NRDC: variants seen among roughly 807,000 people sequenced by gnomAD.
NRDC encodes nardilysin.
NRDC carries 54 observed loss-of-function variants against 147.1 expected under a neutral mutation model. The ratio of observed to expected loss-of-function variants is 0.37; its 90% CI spans 0.29 to 0.46. The LOEUF is 0.46. NRDC is among the 20% of genes least tolerant of loss of function. The pLI is 1.00. For missense variants in NRDC, 1,082 were observed against 1,370.6 expected, an observed-to-expected ratio of 0.79 and a Z score of 3.33; for synonymous variants, 440 against 482.1, an observed-to-expected ratio of 0.91 and a Z score of 1.14.
At position 51,791,474 on chromosome 1, in the gene NRDC, C is replaced by T. The variant is rs996553170; in HGVS notation, c.2960+104G>A. 3 of 894,264 alleles carry T rather than the reference C, an allele frequency of 3.4e-6. No homozygotes were observed. In the South Asian group the frequency reaches 4.3e-5, roughly 13 times the overall value. The allele number at this position is 894,264 out of a possible 1,614,324, so 55.4% of individuals were successfully genotyped here. ...CCCAGCTTCCACTGACTAAATAGAG[C>T]AAACCTGCTTGGTCAGGGTTGCCCA... On this transcript the variant is annotated intron_variant, in intron 27 of 30. Coordinates refer to ENST00000352171, the MANE Select transcript of NRDC (RefSeq NM_001101662.2).
At chr1:51,796,877 CGCCTG>C (rs890236344) in intron 22 of NRDC, among the ~76,000 whole-genome samples, 10 of 149,892 alleles carry the variant, frequency 6.7e-5, no homozygotes, top group Non-Finnish European at 1.2e-4. Context: ...TGAGCCACCG[CGCCTG>C]GCCAATCTCA....
At position 51,789,436 on chromosome 1, in the gene NRDC, G is replaced by C. The variant is rs1678456879; in HGVS notation, c.3259-3C>G. The C allele has an allele frequency of 6.2e-7, 1 of 1,613,908 alleles. No individual in the cohort carries two copies. The highest frequency in any genetic ancestry group is 2.2e-5 in the East Asian group (1 of 44,868). On this transcript the variant is annotated splice_polypyrimidine_tract_variant and splice_region_variant and intron_variant, in intron 30 of 30. Transcript: ENST00000352171. ...TCATACTTCCCATATCCAACAACCT[G>C]AAAGAGGACAAAGACAAAAGTGAAA...
intron 1 of NRDC, among the ~76,000 whole-genome samples, chr1:51,851,204 T>G (rs1414997405): frequency 6.6e-6 from 1 of 152,120 alleles, no homozygotes; most frequent in Non-Finnish European, 1.5e-5. Context: ...GGGGTTGATG[T>G]GTGATAGCCC....
chr1:51,852,313 A>G (rs1168925916), intron 1 of NRDC, among the ~76,000 whole-genome samples: 3 of 152,010 alleles, frequency 2.0e-5, no homozygotes, highest in African/African-American at 7.2e-5. Flanking sequence ...AAAGCCAGAA[A>G]TATCAACTGT....
At chr1:51,826,010 G>A (rs1291718659) in intron 5 of NRDC, among the ~76,000 whole-genome samples, 1 of 152,202 alleles carries the variant, frequency 6.6e-6, no homozygotes, top group East Asian at 1.9e-4. Context: ...TGCCCCTTCT[G>A]CTGTATGAGG....
At chr1:51,811,644 T>G (rs1355016738) in intron 15 of NRDC, among the ~76,000 whole-genome samples, 1 of 152,208 alleles carries the variant, frequency 6.6e-6, no homozygotes, top group East Asian at 1.9e-4. Flanking sequence ...GTCCTGACTC[T>G]CCAACTGAAT....
chr1:51,864,397 CTAG>C (rs753144881), intron 1 of NRDC, among the ~76,000 whole-genome samples: 25 of 152,168 alleles, frequency 1.6e-4, no homozygotes, highest in Non-Finnish European at 2.4e-4. Context: ...ATCATTCTTA[CTAG>C]TAGAACTGTA....
intron 1 of NRDC, among the ~76,000 whole-genome samples, chr1:51,875,657 A>G (rs1683289288): frequency 6.6e-6 from 1 of 152,052 alleles, no homozygotes. Flanking sequence ...CTCTCAGGCT[A>G]AGGAATCTTC....
chr1:51,847,221 A>T (rs1228901338), intron 1 of NRDC, among the ~76,000 whole-genome samples: 1 of 152,198 alleles, frequency 6.6e-6, no homozygotes, highest in Non-Finnish European at 1.5e-5. Context: ...ACCTCGAGCT[A>T]GGCACAGAGT....
chr1:51,819,842 T>A lies in NRDC; in HGVS notation c.1249A>T (p.Thr417Ser). 1 of 1,608,300 alleles carries A rather than the reference T, an allele frequency of 6.2e-7. No homozygotes were observed. The highest frequency in any genetic ancestry group is 8.5e-7 in the Non-Finnish European group (1 of 1,177,138). Residue 417 changes from threonine to serine, a missense_variant, in exon 9 of 31, where the codon ACG (threonine) becomes TCG (serine). Physicochemically the swap from Thr to Ser is moderately conservative, Grantham distance 58. Around this residue, in one of 3 missense-constraint regions of NRDC, gnomAD observed 635 missense variants for 923.8 expected, o/e 0.69. Transcript: ENST00000352171. ...GLPRPNFGHL[T>S]DPFDTPAFNK... ...AATGCTGGTGTGTCAAATGGATCCG[T>A]TAAATGGCCAAAGTTTGGTCTGGGT...
intron 1 of NRDC, among the ~76,000 whole-genome samples, chr1:51,859,309 T>C (rs1175839468): frequency 6.6e-6 from 1 of 152,254 alleles, no homozygotes; most frequent in East Asian, 1.9e-4. Context: ...AAGGTAGTTG[T>C]AAATTGTTAC....
chr1:51,820,893 G>T (rs764261000), intron 8 of NRDC, among the ~76,000 whole-genome samples: 1 of 152,066 alleles, frequency 6.6e-6, no homozygotes, highest in Non-Finnish European at 1.5e-5. Flanking sequence ...GTAACAAAAA[G>T]GTAGCAGTAA....
At chr1:51,865,445 C>T (rs548632174) in intron 1 of NRDC, among the ~76,000 whole-genome samples, 1 of 152,040 alleles carries the variant, frequency 6.6e-6, no homozygotes, top group East Asian at 2.0e-4. Context: ...GCCAGGATTA[C>T]AGGCACCCAT....
At chr1:51,806,703 A>G (rs1679480621) in intron 18 of NRDC, 91 bp downstream of exon 18, 3 of 1,373,566 alleles carry the variant, frequency 2.2e-6, no homozygotes, top group Admixed American at 2.0e-5. Flanking sequence ...AAGGAAGATC[A>G]AAATAGCAAG....
intron 1 of NRDC, among the ~76,000 whole-genome samples, chr1:51,874,080 T>C (rs891538252): frequency 1.3e-5 from 2 of 150,264 alleles, no homozygotes; most frequent in African/African-American, 4.9e-5. Context: ...CAGGTTGTGA[T>C]GGTGCCTCTG....
intron 1 of NRDC, among the ~76,000 whole-genome samples, chr1:51,870,706 T>C (rs573127686): frequency 6.6e-6 from 1 of 152,268 alleles, no homozygotes; most frequent in Admixed American, 6.5e-5. Context: ...TGAGCCTCTC[T>C]GGGTATGTTC....
chr1:51,800,268 C>T (rs748313417), intron 21 of NRDC, among the ~76,000 whole-genome samples: 8 of 152,284 alleles, frequency 5.3e-5, no homozygotes, highest in East Asian at 3.9e-4. Flanking sequence ...CTACCATGCC[C>T]GGCCTAAAAC....
chr1:51,797,668 A>G (rs1271257436), intron 22 of NRDC, among the ~76,000 whole-genome samples: 1 of 152,184 alleles, frequency 6.6e-6, no homozygotes, highest in African/African-American at 2.4e-5. Flanking sequence ...CATGGTTTCC[A>G]CATACAATCT....
intron 1 of NRDC, among the ~76,000 whole-genome samples, chr1:51,850,045 T>C (rs1681868838): frequency 6.6e-6 from 1 of 151,552 alleles, no homozygotes; most frequent in South Asian, 2.1e-4. Flanking sequence ...AGGTTGGTGG[T>C]GCGTGCCTGT....
Sources: gnomAD v4.1 joint callset for allele counts (sites outside exome capture counted in the v4.1 genomes callset) on GRCh38, gnomAD v4.1.1 for gene constraint, gnomAD v4.1.1 regional missense constraint, MANE v1.5 for transcripts, NCBI Gene and HGNC (gene_info 2026-07-23, HGNC 2026-07-21) for gene names.